MMP16: variants seen among roughly 807,000 people sequenced by gnomAD.
MMP16 encodes matrix metalloproteinase-16.
Under a neutral mutation model 67.8 loss-of-function variants are expected in MMP16, and 12 were observed. The observed-to-expected ratio is 0.18, with a 90% confidence interval of 0.11 to 0.29. The LOEUF is 0.29. Among genes scored for constraint, MMP16 ranks in the 10% least tolerant of loss-of-function variants. MMP16 has a pLI of 1.00. For missense variants in MMP16, 475 were observed against 765.7 expected (o/e 0.62, Z 4.48); for synonymous variants, 249 against 255.9 (o/e 0.97, Z 0.26).
chr8:88,117,101 T>C (rs1017284546), intron 5 of MMP16, among the ~76,000 whole-genome samples: 1 of 152,142 alleles, frequency 6.6e-6, no homozygotes, highest in Non-Finnish European at 1.5e-5. Flanking sequence ...TCCAACAAAG[T>C]TAATCCTAGA....
intron 1 of MMP16, among the ~76,000 whole-genome samples, chr8:88,325,570 A>T (rs966049764): frequency 2.0e-5 from 3 of 152,190 alleles, no homozygotes; most frequent in Non-Finnish European, 4.4e-5. Context: ...TTTCAACATT[A>T]AATTATCTCT....
At chr8:88,056,496 T>G (rs1808334524) in intron 7 of MMP16, among the ~76,000 whole-genome samples, 1 of 151,620 alleles carries the variant, frequency 6.6e-6, no homozygotes, top group Non-Finnish European at 1.5e-5. Context: ...TAATGAATAC[T>G]TTATTAATAT....
chr8:88,262,941 C>T (rs1366486943), intron 1 of MMP16, among the ~76,000 whole-genome samples: 16 of 148,866 alleles, frequency 1.1e-4, no homozygotes, highest in Admixed American at 2.0e-4. Context: ...AGGAGAATGG[C>T]GTGAACCCAG....
At chr8:88,220,216 A>T (rs1809659413) in intron 1 of MMP16, among the ~76,000 whole-genome samples, 1 of 152,142 alleles carries the variant, frequency 6.6e-6, no homozygotes, top group South Asian at 2.1e-4. Flanking sequence ...ATATCTAGGC[A>T]GTTTCCATAT....
chr8:88,079,198 T>C (rs560004051), intron 6 of MMP16, among the ~76,000 whole-genome samples: 15 of 152,224 alleles, frequency 9.9e-5, no homozygotes, highest in Admixed American at 3.3e-4. Flanking sequence ...CAGTTTGCCC[T>C]ACAGTAGGCC....
At chr8:88,076,971 G>A (rs949590979) in intron 6 of MMP16, among the ~76,000 whole-genome samples, 2 of 152,218 alleles carry the variant, frequency 1.3e-5, no homozygotes, top group East Asian at 1.9e-4. Flanking sequence ...ATATGGAGCC[G>A]GGCCAGTGGC....
At chr8:88,247,114 A>T (rs548122478) in intron 1 of MMP16, among the ~76,000 whole-genome samples, 88 of 152,282 alleles carry the variant, frequency 5.8e-4, no homozygotes, top group Admixed American at 1.3e-3. Context: ...CCGCAGAGCC[A>T]TAATGAGGTC....
intron 4 of MMP16, among the ~76,000 whole-genome samples, chr8:88,153,935 C>A (rs1808458404): frequency 6.6e-6 from 1 of 150,828 alleles, no homozygotes; most frequent in Admixed American, 6.6e-5. Flanking sequence ...AGGCAACCTA[C>A]AAAATGGTAG....
At chr8:88,050,953 A>G (rs1808262706) in intron 8 of MMP16, among the ~76,000 whole-genome samples, 1 of 152,234 alleles carries the variant, frequency 6.6e-6, no homozygotes, top group Non-Finnish European at 1.5e-5. Context: ...TTGTAGGAAC[A>G]TAATTCGGGT....
chr8:88,183,383 T>C (rs2129744284), intron 3 of MMP16, among the ~76,000 whole-genome samples: 1 of 152,294 alleles, frequency 6.6e-6, no homozygotes, highest in South Asian at 2.1e-4. Context: ...AAATAAAAAA[T>C]TGTTCTGAAA....
At chr8:88,226,327 T>G (rs1809768643) in intron 1 of MMP16, among the ~76,000 whole-genome samples, 1 of 152,040 alleles carries the variant, frequency 6.6e-6, no homozygotes, top group African/African-American at 2.4e-5. Flanking sequence ...AGCTATCACT[T>G]ATTAAAACTG....
chr8:88,246,234 T>C (rs1024207623), intron 1 of MMP16, among the ~76,000 whole-genome samples: 1 of 152,188 alleles, frequency 6.6e-6, no homozygotes, highest in Non-Finnish European at 1.5e-5. Flanking sequence ...ATCTGTGTGA[T>C]TTATTATTCA....
intron 1 of MMP16, among the ~76,000 whole-genome samples, chr8:88,231,048 A>G (rs912363302): frequency 3.3e-5 from 5 of 152,160 alleles, no homozygotes; most frequent in Admixed American, 2.0e-4. Context: ...GCTGAAATGG[A>G]ATGGGCAATA....
chr8:88,236,852 G>A (rs752881740), intron 1 of MMP16, among the ~76,000 whole-genome samples: 14 of 90,936 alleles, frequency 1.5e-4, no homozygotes, highest in Non-Finnish European at 2.6e-4. Flanking sequence ...CATCTCACCT[G>A]TTCCAACATT....
Position 88,327,272 on chromosome 8 carries a change from CTCCCTCGTTTCCTTTCAAAAAAAAG to C in MMP16, c.-91_-67del, listed in dbSNP as rs1457626304. 1 of 1,604,222 alleles carries C rather than the reference CTCCCTCGTTTCCTTTCAAAAAAAAG, an allele frequency of 6.2e-7. No individual in the cohort carries two copies. Among genetic ancestry groups the C allele is most frequent in the African/African-American group, 1.3e-5 (1 of 74,646 alleles). ...TTTCTCCCTCTCTCCCTCTCCCTCCCTCCCTCGTTTCCTTTCAAAAAAAAGTCCTCCGGGTGGGTAAGGAGCCTGC... is the reference window on the plus strand; with the variant it reads ...TTTCTCCCTCTCTCCCTCTCCCTCCCTCCTCCGGGTGGGTAAGGAGCCTGC... On this transcript the variant is annotated 5_prime_UTR_variant, in exon 1 of 10. Transcript: ENST00000286614.
chr8:88,124,903 A>G (rs1439560890), intron 4 of MMP16, among the ~76,000 whole-genome samples: 3 of 151,900 alleles, frequency 2.0e-5, no homozygotes, highest in African/African-American at 7.2e-5. Flanking sequence ...AAACAGAGAG[A>G]AAAAGGAAGC....
At chr8:88,111,758 T>C (rs1477878684) in intron 6 of MMP16, among the ~76,000 whole-genome samples, 1 of 151,734 alleles carries the variant, frequency 6.6e-6, no homozygotes, top group Admixed American at 6.6e-5. Context: ...TGGGGGATAC[T>C]ACAATAATTA....
intron 6 of MMP16, 59 bp downstream of exon 6, chr8:88,116,448 C>T: frequency 6.9e-7 from 1 of 1,448,126 alleles, no homozygotes; most frequent in African/African-American, 1.4e-5. Flanking sequence ...AACTTGTTTT[C>T]TAAAGCAACA....
chr8:88,308,271 C>A (rs1448749087), intron 1 of MMP16, among the ~76,000 whole-genome samples: 3 of 152,058 alleles, frequency 2.0e-5, no homozygotes, highest in Non-Finnish European at 2.9e-5. Context: ...TTAGGCAAAT[C>A]AATGTGTTCA....
Sources: gnomAD v4.1 joint callset for allele counts (sites outside exome capture counted in the v4.1 genomes callset) on GRCh38, gnomAD v4.1.1 for gene constraint, MANE v1.5 for transcripts, NCBI Gene and HGNC (gene_info 2026-07-23, HGNC 2026-07-21) for gene names.